Variants in STXBP5 observed in about 807,000 individuals in gnomAD.
STXBP5 encodes the protein syntaxin binding protein 5.
Under a neutral mutation model 152.4 loss-of-function variants are expected in STXBP5, and 50 were observed. The observed-to-expected ratio is 0.33, with a 90% CI of 0.26 to 0.42. STXBP5 has a LOEUF of 0.42. STXBP5 is among the 10% of genes least tolerant of loss of function. The pLI is 1.00. For synonymous variants in STXBP5, 492 were observed against 494.7 expected, an observed-to-expected ratio of 0.99 and a Z score of 0.07; for missense variants, 1,167 against 1,388.6, an observed-to-expected ratio of 0.84 and a Z score of 2.54.
chr6:147,331,842 A>G (rs1481932723), intron 18 of STXBP5, among the ~76,000 whole-genome samples: 1 of 151,336 alleles, frequency 6.6e-6, no homozygotes, highest in Admixed American at 6.6e-5. Context: ...CAAAACTCTA[A>G]GAGTGGCAAT....
rs1782532084 is a variant in STXBP5, at chr6:147,314,287, T to C, written c.1317T>C (p.Asn439=). ...SKKEWPINGG[N]WGLGAQSYPE... is the part of the protein sequence containing the mutation. The stretch of plus-strand genomic sequence containing the variant: ...AGGAATGGCCCATCAACGGAGGTAA[T>C]TGGGGCTTGGGTGCTCAAAGTTACC... Residue 439 remains asparagine (N), a synonymous_variant, in exon 13 of 28, where the codon AAT becomes AAC. Coordinates refer to ENST00000321680, the MANE Select transcript of STXBP5 (RefSeq NM_001127715.4). 6.2e-7 allele frequency: 1 copy of C among 1,612,516 alleles called. No homozygotes were observed. Among genetic ancestry groups the C allele is most frequent in the Non-Finnish European group, 8.5e-7 (1 of 1,178,780 alleles).
At chr6:147,206,161 C>A in intron 2 of STXBP5, 93 bp downstream of exon 2, 2 of 1,090,326 alleles carry the variant, frequency 1.8e-6, no homozygotes, top group Non-Finnish European at 2.7e-6. Context: ...TTTTTATTTT[C>A]CTGTTGGTGT....
intron 4 of STXBP5, among the ~76,000 whole-genome samples, chr6:147,255,597 C>G (rs2115309882): frequency 6.6e-6 from 1 of 152,242 alleles, no homozygotes; most frequent in East Asian, 1.9e-4. Context: ...CAGGCTCAAG[C>G]AGTCCTCCTG....
chr6:147,289,347 C>A (rs556393860), intron 8 of STXBP5, among the ~76,000 whole-genome samples: 13 of 152,240 alleles, frequency 8.5e-5, no homozygotes, highest in African/African-American at 3.1e-4. Context: ...ACTTTAAGAT[C>A]GCTTTGTCCA....
intron 3 of STXBP5, among the ~76,000 whole-genome samples, chr6:147,237,534 G>C (rs182303298): frequency 4.4e-4 from 67 of 152,268 alleles, no homozygotes; most frequent in Non-Finnish European, 8.8e-4. Context: ...ATGGAAATAA[G>C]AAATAGCAGT....
intron 26 of STXBP5, among the ~76,000 whole-genome samples, 184 bp from the exon 27 acceptor site, chr6:147,382,594 A>G (rs371273366): frequency 2.6e-5 from 4 of 152,164 alleles, no homozygotes; most frequent in African/African-American, 9.6e-5. Flanking sequence ...TGTTTGAAAA[A>G]GTATCTAAAA....
intron 8 of STXBP5, 117 bp from the exon 9 acceptor site, chr6:147,290,976 AC>A (rs1781249984): frequency 1.5e-6 from 1 of 676,766 alleles, no homozygotes; most frequent in Non-Finnish European, 2.3e-6. Context: ...TTTCAGAATC[AC>A]TTTAAAATGT....
intron 26 of STXBP5, among the ~76,000 whole-genome samples, chr6:147,374,490 A>G (rs1174307480): frequency 6.6e-6 from 1 of 152,126 alleles, no homozygotes; most frequent in Non-Finnish European, 1.5e-5. Context: ...TACCCAAATG[A>G]TTGGTCTGTA....
At chr6:147,229,021 G>A (rs187660185) in intron 2 of STXBP5, among the ~76,000 whole-genome samples, 144 of 152,092 alleles carry the variant, frequency 9.5e-4, no homozygotes, top group African/African-American at 3.3e-3. Context: ...AATACGTCTT[G>A]TTTTTAAATC....
rs1317891356 is a variant in STXBP5 at position 147,385,094 on chromosome 6, A to T, written c.*339A>T. 3.1e-5 allele frequency: 8 copies of T among 259,340 alleles called. No individual in the cohort carries two copies. The highest frequency in any genetic ancestry group is 1.6e-4 in the African/African-American group (7 of 43,944). The allele number at this position is 259,340 out of a possible 1,614,324, so 16.1% of individuals were successfully genotyped here. ...CTGTATTAAACTTTCATATGCCAAA[A>T]GGGTTTGTGCCGTTTTATCTGCCAT... On this transcript the variant is annotated 3_prime_UTR_variant, in exon 28 of 28. Coordinates refer to ENST00000321680, the MANE Select transcript of STXBP5 (RefSeq NM_001127715.4).
chr6:147,322,657 A>G (rs749244808), intron 16 of STXBP5, among the ~76,000 whole-genome samples: 3 of 152,246 alleles, frequency 2.0e-5, no homozygotes, highest in Non-Finnish European at 4.4e-5. Flanking sequence ...TTGCGGAAGT[A>G]ACCAGGCTTT....
chr6:147,334,843 A>G (rs1481931284), intron 19 of STXBP5, among the ~76,000 whole-genome samples: 1 of 152,104 alleles, frequency 6.6e-6, no homozygotes, highest in Non-Finnish European at 1.5e-5. Context: ...TCCTTCATAA[A>G]GTTAATATTA....
chr6:147,262,298 A>T lies in STXBP5; in HGVS notation c.575A>T (p.Lys192Ile). The change falls in exon 6 of 28, where the codon AAA (lysine) becomes ATA (isoleucine). Residue 192 changes from lysine to isoleucine, a missense_variant. Physicochemically the swap from Lys to Ile is moderately radical, Grantham distance 102. Around this residue, in one of 3 missense-constraint regions of STXBP5, gnomAD observed 310 missense variants for 346.1 expected, o/e 0.90. Coordinates refer to ENST00000321680, the MANE Select transcript of STXBP5 (RefSeq NM_001127715.4). Reference protein sequence around the residue: ...MWNKAIELSSKSHPGPVVHIS... With the variant: ...MWNKAIELSSISHPGPVVHIS... ...AACTTTTTCTTTTTTAGGTCATCTA[A>T]ATCTCACCCAGGACCTGTGGTCCAT... 1 of 1,549,662 alleles carries T rather than the reference A, an allele frequency of 6.5e-7. No homozygotes were observed. The highest frequency in any genetic ancestry group is 2.4e-5 in the East Asian group (1 of 41,364).
intron 15 of STXBP5, among the ~76,000 whole-genome samples, chr6:147,316,024 A>G (rs1421787059): frequency 6.6e-6 from 1 of 152,130 alleles, no homozygotes; most frequent in Non-Finnish European, 1.5e-5. Flanking sequence ...TAAAATCATA[A>G]TGCACGTTTG....
At chr6:147,316,580 G>A (rs1028345581) in intron 16 of STXBP5, among the ~76,000 whole-genome samples, 173 bp downstream of exon 16, 1 of 152,126 alleles carries the variant, frequency 6.6e-6, no homozygotes, top group South Asian at 2.1e-4. Context: ...ACATCAAGAG[G>A]AATATGATTG....
At chr6:147,308,703 C>T (rs965402954) in intron 9 of STXBP5, among the ~76,000 whole-genome samples, 5 of 152,168 alleles carry the variant, frequency 3.3e-5, no homozygotes, top group African/African-American at 1.2e-4. Flanking sequence ...CAAGCACATA[C>T]ATCTATTGCA....
intron 26 of STXBP5, among the ~76,000 whole-genome samples, chr6:147,376,095 TTAATA>T (rs1200516917): frequency 1.6e-4 from 24 of 152,078 alleles, no homozygotes; most frequent in South Asian, 4.1e-4. Context: ...ATAAATATAA[TTAATA>T]TAATCTTTAT....
Position 147,387,043 on chromosome 6 carries a change from A to G in STXBP5, c.*2288A>G, listed in dbSNP as rs1786372453. Reference sequence around the variant, plus strand: ...AGATTTTGTAAGAAAATCTTAAATCAGTGTTTTGAGTTATTTAATTTTTAA... The same window carrying G: ...AGATTTTGTAAGAAAATCTTAAATCGGTGTTTTGAGTTATTTAATTTTTAA... On this transcript the variant is annotated 3_prime_UTR_variant, in exon 28 of 28. Transcript: ENST00000321680. The G allele has an allele frequency of 6.6e-6, 1 of 151,796 alleles. No individual in the cohort carries two copies. The highest frequency in any genetic ancestry group is 6.6e-5 in the Admixed American group (1 of 15,212). 9.4% of individuals were successfully genotyped at this position (151,796 alleles called of 1,614,324 possible). A position where few individuals can be genotyped will look rare whatever the true frequency, so the allele number is the denominator to read the frequency against.
At chr6:147,329,454 C>G (rs1191243304) in intron 18 of STXBP5, among the ~76,000 whole-genome samples, 2 of 150,370 alleles carry the variant, frequency 1.3e-5, no homozygotes, top group African/African-American at 4.9e-5. Flanking sequence ...ATATTTCTGA[C>G]TCTGATCCCC....
Sources: allele counts gnomAD v4.1 joint callset (sites outside exome capture counted in the v4.1 genomes callset), GRCh38; gene constraint gnomAD v4.1.1; regional missense constraint gnomAD v4.1.1; transcripts MANE v1.5; gene names NCBI Gene and HGNC (gene_info 2026-07-23, HGNC 2026-07-21).